ENTHD1: variants seen among roughly 807,000 people sequenced by gnomAD.
ENTHD1 encodes ENTH domain-containing protein 1.
In ENTHD1, 23 loss-of-function variants were observed where a neutral mutation model predicts 39.1. The ratio of observed to expected loss-of-function variants is 0.59; its 90% CI spans 0.42 to 0.83. The LOEUF is 0.83. ENTHD1 is among the 40% of genes least tolerant of loss of function. The pLI is 0.00. For synonymous variants in ENTHD1, 230 were observed against 258.2 expected, an observed-to-expected ratio of 0.89 and a Z score of 1.05; for missense variants, 624 against 705.4, an observed-to-expected ratio of 0.88 and a Z score of 1.31.
chr22:39,851,081 T>C (rs866128543), intron 3 of ENTHD1, among the ~76,000 whole-genome samples: 4 of 152,296 alleles, frequency 2.6e-5, no homozygotes, highest in Middle Eastern at 6.8e-3. Context: ...ACCCTCACCC[T>C]TAAATCATAG....
In ENTHD1 at chr22:39,887,440, T is replaced by C. The variant is rs1569183119; in HGVS notation, c.309A>G (p.Leu103=). Residue 103 remains leucine (L), a synonymous_variant, in exon 2 of 7, where the codon CTA becomes CTG. Coordinates refer to ENST00000325157, the MANE Select transcript of ENTHD1 (RefSeq NM_152512.4). ...CTTCATCTATGTGCTGAAAATCTTT[T>C]AGTGTTTGAAGGTTACAGAACCCCT... ...CREGFCNLQT[L]KDFQHIDEAG... The C allele has an allele frequency of 6.2e-7, 1 of 1,612,372 alleles. No homozygotes were observed. The highest frequency in any genetic ancestry group is 1.7e-5 in the Admixed American group (1 of 59,550).
intron 5 of ENTHD1, among the ~76,000 whole-genome samples, chr22:39,805,175 A>G (rs1266301289): frequency 2.0e-5 from 3 of 152,118 alleles, no homozygotes; most frequent in African/African-American, 7.2e-5. Context: ...ATTCCCCCTC[A>G]TTCTTCTTTC....
intron 5 of ENTHD1, among the ~76,000 whole-genome samples, chr22:39,778,341 G>T (rs1462269181): frequency 7.9e-5 from 12 of 152,162 alleles, no homozygotes; most frequent in Non-Finnish European, 1.8e-4. Context: ...AGGAAGGGGG[G>T]TATTTGAGAT....
At chr22:39,877,439 G>A (rs559131296) in intron 2 of ENTHD1, among the ~76,000 whole-genome samples, 18 of 152,362 alleles carry the variant, frequency 1.2e-4, no homozygotes, top group Middle Eastern at 3.4e-3. Flanking sequence ...TCAGAGAGGT[G>A]TAGTCACAGG....
Position 39,802,262 on chromosome 22 carries a change from A to G in ENTHD1, c.832+18731T>C, listed in dbSNP as rs554069910. On this transcript the variant is annotated intron_variant, in intron 5 of 6. Transcript: ENST00000325157. ...TTATTTAATCACAATTTTATATGAC[A>G]TGGGAGTCTCCAGAGATAAAGACTC... Among the ~76,000 whole-genome samples, 73 of 152,392 alleles carry G rather than the reference A, an allele frequency of 4.8e-4. No individual in the cohort carries two copies. In the South Asian group the frequency reaches 0.013, roughly 26 times the overall value.
chr22:39,852,924 A>G (rs2066054985), intron 3 of ENTHD1, among the ~76,000 whole-genome samples: 2 of 152,164 alleles, frequency 1.3e-5, no homozygotes, highest in Admixed American at 1.3e-4. Context: ...GCTGTTTGAC[A>G]TTTATCAATG....
intron 5 of ENTHD1, among the ~76,000 whole-genome samples, chr22:39,815,969 T>TAATG (rs2065730548): frequency 6.6e-6 from 1 of 152,120 alleles, no homozygotes; most frequent in Non-Finnish European, 1.5e-5. Context: ...AAGCAAGGAA[T>TAATG]AATGAGTAAA....
intron 5 of ENTHD1, among the ~76,000 whole-genome samples, chr22:39,798,727 T>C (rs557615539): frequency 6.2e-4 from 95 of 152,266 alleles, no homozygotes; most frequent in African/African-American, 2.3e-3. Flanking sequence ...GGCTTCCACG[T>C]GGCTTGTTCT....
At chr22:39,809,933 T>C (rs2065672549) in intron 5 of ENTHD1, among the ~76,000 whole-genome samples, 2 of 152,126 alleles carry the variant, frequency 1.3e-5, no homozygotes, top group Admixed American at 6.5e-5. Flanking sequence ...TTTCAGGATG[T>C]GTGGTGGTGG....
rs762780840 is a variant in ENTHD1, at chr22:39,744,239, T to C, written c.1264A>G (p.Met422Val). Reference sequence around the variant, plus strand: ...GGAGAGGCTAAATCAGGAGATGACATGGATAAAGGAGAAAAGGAAGATGCT... The same window carrying C: ...GGAGAGGCTAAATCAGGAGATGACACGGATAAAGGAGAAAAGGAAGATGCT... ...EGASSFSPLS[M>V]SSPDLASPEK... The change falls in exon 7 of 7, where the codon ATG (methionine) becomes GTG (valine). Residue 422 changes from methionine to valine, a missense_variant. Transcript: ENST00000325157. 2.5e-6 allele frequency: 4 copies of C among 1,609,134 alleles called. No individual in the cohort carries two copies. The highest frequency in any genetic ancestry group is 4.5e-5 in the East Asian group (2 of 44,856).
At chr22:39,776,372 C>T (rs922593365) in intron 5 of ENTHD1, among the ~76,000 whole-genome samples, 1 of 152,182 alleles carries the variant, frequency 6.6e-6, no homozygotes, top group African/African-American at 2.4e-5. Flanking sequence ...TCTGCCTTCT[C>T]ATTTTCTTTC....
intron 2 of ENTHD1, among the ~76,000 whole-genome samples, chr22:39,866,632 A>C (rs2066183747): frequency 6.6e-6 from 1 of 152,166 alleles, no homozygotes; most frequent in Non-Finnish European, 1.5e-5. Context: ...CCTTCCACGG[A>C]CAGTGAACAC....
At position 39,743,629 on chromosome 22, in the gene ENTHD1, T is replaced by C; in HGVS notation, c.*50A>G. ...AATTTATACAATGCTAACGTAAGTC[T>C]TGGGGAAGTGGAACCACACGAGTTC... On this transcript the variant is annotated 3_prime_UTR_variant, in exon 7 of 7. Transcript: ENST00000325157. 4 of 1,524,426 alleles carry C rather than the reference T, an allele frequency of 2.6e-6. No individual in the cohort carries two copies. Among genetic ancestry groups the C allele is most frequent in the Non-Finnish European group, 3.5e-6 (4 of 1,138,998 alleles). The allele number at this position is 1,524,426 out of a possible 1,614,324, so 94.4% of individuals were successfully genotyped here.
intron 5 of ENTHD1, among the ~76,000 whole-genome samples, chr22:39,782,471 C>T (rs1263105151): frequency 1.3e-5 from 2 of 151,598 alleles, no homozygotes; most frequent in African/African-American, 4.8e-5. Context: ...ATGAGGCCAG[C>T]AGTACCCTGA....
At chr22:39,876,592 C>A (rs2066291614) in intron 2 of ENTHD1, among the ~76,000 whole-genome samples, 1 of 150,464 alleles carries the variant, frequency 6.6e-6, no homozygotes, top group Admixed American at 6.6e-5. Flanking sequence ...GATGAAGGAA[C>A]TGGATGAGGT....
intron 2 of ENTHD1, among the ~76,000 whole-genome samples, chr22:39,874,688 T>C (rs1244947321): frequency 6.6e-6 from 1 of 152,026 alleles, no homozygotes; most frequent in Non-Finnish European, 1.5e-5. Flanking sequence ...AAAGATAAAA[T>C]GTTAAAAATA....
intron 6 of ENTHD1, among the ~76,000 whole-genome samples, chr22:39,756,279 ATGTCTC>A (rs1281022660): frequency 2.1e-5 from 3 of 145,690 alleles, no homozygotes; most frequent in Non-Finnish European, 3.0e-5. Flanking sequence ...AAACCTATCA[ATGTCTC>A]TGTCTCTCTC....
At chr22:39,753,323 C>G (rs1463102350) in intron 6 of ENTHD1, among the ~76,000 whole-genome samples, 2 of 152,126 alleles carry the variant, frequency 1.3e-5, no homozygotes, top group African/African-American at 2.4e-5. Flanking sequence ...GATCAAGTAT[C>G]TAATAACTTG....
chr22:39,793,841 A>G (rs527311709), intron 5 of ENTHD1, among the ~76,000 whole-genome samples: 2 of 152,298 alleles, frequency 1.3e-5, no homozygotes, highest in South Asian at 4.1e-4. Context: ...TACCAATACC[A>G]TGCTGTTTGG....
Sources: gnomAD v4.1 joint callset for allele counts (sites outside exome capture counted in the v4.1 genomes callset) on GRCh38, gnomAD v4.1.1 for gene constraint, MANE v1.5 for transcripts, NCBI Gene and HGNC (gene_info 2026-07-23, HGNC 2026-07-21) for gene names.